Variants in MBD5 observed in about 807,000 individuals in gnomAD.
MBD5 encodes the protein methyl-CpG binding domain protein 5.
MBD5 carries 13 observed loss-of-function variants against 117.3 expected under a neutral mutation model. That is an observed-to-expected ratio of 0.11 (90% confidence interval 0.07 to 0.18). MBD5 has a LOEUF of 0.18. Among genes scored for constraint, MBD5 ranks in the 10% least tolerant of loss-of-function variants. The pLI is 1.00. For missense variants in MBD5, 1,879 were observed against 2,093.8 expected, an observed-to-expected ratio of 0.90 and a Z score of 2.00; for synonymous variants, 727 against 766.4, an observed-to-expected ratio of 0.95 and a Z score of 0.85.
At chr2:148,122,024 C>A (rs985476105) in intron 1 of MBD5, among the ~76,000 whole-genome samples, 32 of 148,438 alleles carry the variant, frequency 2.2e-4, no homozygotes, top group African/African-American at 7.6e-4. Context: ...TTATGGAAAC[C>A]CTTGCATATG....
chr2:148,252,604 C>T (rs1700492999), intron 3 of MBD5, among the ~76,000 whole-genome samples: 1 of 152,194 alleles, frequency 6.6e-6, no homozygotes, highest in South Asian at 2.1e-4. Flanking sequence ...GGCTGGAGTG[C>T]AATGGTGCAA....
At chr2:148,497,634 A>G (rs182514118) in intron 11 of MBD5, among the ~76,000 whole-genome samples, 1 of 152,190 alleles carries the variant, frequency 6.6e-6, no homozygotes, top group East Asian at 1.9e-4. Flanking sequence ...GGCTGCAGTG[A>G]GCATGCCAGG....
At chr2:148,386,326 TTTAA>T (rs1436260488) in intron 4 of MBD5, among the ~76,000 whole-genome samples, 5 of 152,292 alleles carry the variant, frequency 3.3e-5, no homozygotes, top group East Asian at 1.9e-4. Context: ...CCTGTGGAAG[TTTAA>T]TTAGTTAAAA....
chr2:148,318,687 C>A (rs1216075099), intron 3 of MBD5, among the ~76,000 whole-genome samples: 3 of 151,976 alleles, frequency 2.0e-5, no homozygotes, highest in Non-Finnish European at 2.9e-5. Context: ...TTTCCCAGTA[C>A]CCCTTGTTGA....
At chr2:148,477,618 C>T (rs1347861899) in intron 8 of MBD5, among the ~76,000 whole-genome samples, 1 of 151,838 alleles carries the variant, frequency 6.6e-6, no homozygotes, top group Non-Finnish European at 1.5e-5. Flanking sequence ...AAAATCGGTC[C>T]TTTAAATATA....
intron 1 of MBD5, among the ~76,000 whole-genome samples, chr2:148,031,757 A>G (rs1449023589): frequency 1.3e-5 from 2 of 152,154 alleles, no homozygotes; most frequent in Non-Finnish European, 2.9e-5. Flanking sequence ...TGAGTTGGAA[A>G]TGAAAACACT....
chr2:148,345,697 G>T (rs1339600619), intron 4 of MBD5, among the ~76,000 whole-genome samples: 1 of 148,192 alleles, frequency 6.7e-6, no homozygotes, highest in Non-Finnish European at 1.5e-5. Flanking sequence ...GTGTATATAT[G>T]TATTATATAT....
intron 1 of MBD5, among the ~76,000 whole-genome samples, chr2:148,059,719 A>G (rs999543166): frequency 9.2e-5 from 14 of 151,754 alleles, no homozygotes; most frequent in East Asian, 1.9e-4. Flanking sequence ...TGTGGCGGGC[A>G]CCTGTAGTCC....
rs1236530705 is a variant in MBD5 at position 148,427,691 on chromosome 2, A to G, written c.-556-30512A>G. 3.9e-5 allele frequency among the ~76,000 whole-genome samples: 6 copies of G among 152,168 alleles called. No individual in the cohort carries two copies. The South Asian group carries it at 6.2e-4, about 16-fold the overall frequency. On this transcript the variant is annotated intron_variant, in intron 4 of 13. Coordinates refer to ENST00000642680, the MANE Select transcript of MBD5 (RefSeq NM_001378120.1). ...CATTAGGAGATATACCTAATGTTAA[A>G]TGAAGAGTTAATGGGTGCAGCACAC... is the stretch of plus-strand genomic sequence containing the variant.
At chr2:148,212,296 C>T (rs546647712) in intron 2 of MBD5, among the ~76,000 whole-genome samples, 123 of 152,238 alleles carry the variant, frequency 8.1e-4, no homozygotes, top group African/African-American at 2.9e-3. Flanking sequence ...TTTGGATTTG[C>T]GTATTCTGGA....
At chr2:148,345,704 A>G (rs1385630399) in intron 4 of MBD5, among the ~76,000 whole-genome samples, 1 of 148,908 alleles carries the variant, frequency 6.7e-6, no homozygotes, top group East Asian at 2.0e-4. Context: ...TATGTATTAT[A>G]TATATTATAT....
chr2:148,497,785 C>CT (rs915487730), intron 11 of MBD5, among the ~76,000 whole-genome samples: 14 of 131,752 alleles, frequency 1.1e-4, no homozygotes, highest in East Asian at 8.5e-4. Context: ...GACCTTGTCT[C>CT]TAAAAAAAAA....
At chr2:148,443,117 A>T (rs1388668064) in intron 4 of MBD5, among the ~76,000 whole-genome samples, 1 of 151,420 alleles carries the variant, frequency 6.6e-6, no homozygotes, top group East Asian at 1.9e-4. Flanking sequence ...AAGAAGTCAT[A>T]TAAGTGGCAA....
chr2:148,062,364 T>C (rs1324074155), intron 1 of MBD5: 1 of 151,854 alleles, frequency 6.6e-6, no homozygotes, highest in Non-Finnish European at 1.5e-5. Flanking sequence ...AAAATGTAAA[T>C]TAATAAATGT....
intron 1 of MBD5, among the ~76,000 whole-genome samples, chr2:148,139,482 G>T (rs1189677674): frequency 6.6e-6 from 1 of 152,160 alleles, no homozygotes; most frequent in Non-Finnish European, 1.5e-5. Context: ...AAAGCGCTGG[G>T]ATTACAGGCG....
At chr2:148,439,021 T>C (rs1193055192) in intron 4 of MBD5, among the ~76,000 whole-genome samples, 3 of 152,118 alleles carry the variant, frequency 2.0e-5, no homozygotes, top group African/African-American at 7.2e-5. Flanking sequence ...CCACCTCTTA[T>C]CAACCTGGCA....
At chr2:148,409,625 C>T (rs535683759) in intron 4 of MBD5, among the ~76,000 whole-genome samples, 13 of 152,194 alleles carry the variant, frequency 8.5e-5, no homozygotes, top group African/African-American at 3.1e-4. Flanking sequence ...AGTAGACGCT[C>T]ACTACATGTT....
intron 3 of MBD5, among the ~76,000 whole-genome samples, chr2:148,236,577 T>C (rs1700096403): frequency 6.6e-6 from 1 of 152,060 alleles, no homozygotes; most frequent in Non-Finnish European, 1.5e-5. Flanking sequence ...AAACGTAAAA[T>C]AGTCAGCGAA....
chr2:148,151,944 GT>G (rs200241049), intron 1 of MBD5, among the ~76,000 whole-genome samples: 1,860 of 151,930 alleles, frequency 0.012, 41 homozygotes, highest in African/African-American at 0.042. Context: ...CTTTCCTTCA[GT>G]TCTGCTCTGA....
Sources: gnomAD v4.1 joint callset for allele counts (sites outside exome capture counted in the v4.1 genomes callset) on GRCh38, gnomAD v4.1.1 for gene constraint, MANE v1.5 for transcripts, NCBI Gene and HGNC (gene_info 2026-07-23, HGNC 2026-07-21) for gene names.